Variants in FARP2 observed in about 807,000 individuals in gnomAD.
FARP2 encodes the protein FERM, ARHGEF and pleckstrin domain-containing protein 2.
In FARP2, 111 loss-of-function variants were observed where a neutral mutation model predicts 130.5. The ratio of observed to expected loss-of-function variants is 0.85; its 90% CI spans 0.73 to 1.00. The LOEUF is 1.00. Ranked by LOEUF, FARP2 falls within the 50% of genes least tolerant of loss-of-function variation. The probability of loss-of-function intolerance (pLI) is 0.00; values close to 1 mark genes in which losing one functional copy is unlikely to be tolerated. For synonymous variants in FARP2, 504 were observed against 516.9 expected (o/e 0.98, Z 0.34); for missense variants, 1,385 against 1,346.3 (o/e 1.03, Z -0.45).
At position 241,468,130 on chromosome 2, in the gene FARP2, G is replaced by A. The variant is rs376190599; in HGVS notation, c.1894-10G>A. ...CCTCACCTAAAGGCCCCACTCTTGC[G>A]CCTCCACAGGAGTTTACCAGCTACT... is the stretch of plus-strand genomic sequence containing the variant. On this transcript the variant is annotated splice_polypyrimidine_tract_variant and intron_variant, in intron 17 of 26. Coordinates refer to ENST00000264042, the MANE Select transcript of FARP2 (RefSeq NM_014808.4). 2.5e-5 allele frequency: 40 copies of A among 1,580,240 alleles called. No individual in the cohort carries two copies. The highest frequency in any genetic ancestry group is 1.0e-4 in the Admixed American group (6 of 59,960).
At chr2:241,453,350 C>A (rs576856385) in intron 13 of FARP2, among the ~76,000 whole-genome samples, 30 of 151,000 alleles carry the variant, frequency 2.0e-4, no homozygotes, top group African/African-American at 7.1e-4. Context: ...TGGCTGGGCG[C>A]GGTGGCTCAT....
At chr2:241,415,101 A>T (rs1218881050) in intron 7 of FARP2, among the ~76,000 whole-genome samples, 1 of 152,190 alleles carries the variant, frequency 6.6e-6, no homozygotes, top group Non-Finnish European at 1.5e-5. Context: ...GCAGAGCTCC[A>T]TCTCGGACAT....
At chr2:241,379,368 G>A (rs3821279) in intron 2 of FARP2, among the ~76,000 whole-genome samples, 3,990 of 152,334 alleles carry the variant, frequency 0.026, 404 homozygotes, top group Admixed American at 0.18. Flanking sequence ...AATGTCCTTT[G>A]CCTTTGCTGA....
chr2:241,397,869 G>A (rs1227478515), intron 2 of FARP2, among the ~76,000 whole-genome samples: 2 of 129,290 alleles, frequency 1.5e-5, no homozygotes, highest in Non-Finnish European at 3.1e-5. Context: ...TCGCTCTGTC[G>A]CCCAGGCTGG....
intron 12 of FARP2, among the ~76,000 whole-genome samples, chr2:241,437,047 A>G (rs915354705): frequency 9.2e-5 from 14 of 152,220 alleles, no homozygotes; most frequent in African/African-American, 3.4e-4. Flanking sequence ...GTAATACACC[A>G]CAAAATCCTG....
chr2:241,424,205 A>G (rs1314924765), intron 8 of FARP2, among the ~76,000 whole-genome samples: 1 of 152,190 alleles, frequency 6.6e-6, no homozygotes, highest in Non-Finnish European at 1.5e-5. Context: ...TGATCACATA[A>G]TCGGAAGCAA....
At chr2:241,413,940 CAAAA>C (rs746206247) in intron 7 of FARP2, among the ~76,000 whole-genome samples, 1 of 88,568 alleles carries the variant, frequency 1.1e-5, no homozygotes, top group African/African-American at 4.3e-5. Context: ...AACTCCGTCT[CAAAA>C]AAAAAAAAAA....
At chr2:241,395,702 G>C (rs886407809) in intron 2 of FARP2, 1 of 152,168 alleles carries the variant, frequency 6.6e-6, no homozygotes, top group Non-Finnish European at 1.5e-5. Flanking sequence ...GTTTCTTCCA[G>C]TTATGAAGTG....
chr2:241,464,212 TC>T (rs374446843), intron 17 of FARP2, among the ~76,000 whole-genome samples: 6 of 140,900 alleles, frequency 4.3e-5, no homozygotes, highest in African/African-American at 8.2e-5. Flanking sequence ...CAGAATAGGA[TC>T]CCCCCCAGAC....
chr2:241,435,850 AT>A (rs1038680191), intron 11 of FARP2, among the ~76,000 whole-genome samples: 6 of 144,044 alleles, frequency 4.2e-5, no homozygotes, highest in African/African-American at 1.5e-4. Flanking sequence ...ACATAGAGAT[AT>A]TTTTAGTTTC....
At chr2:241,466,440 C>T in intron 17 of FARP2, 1 of 985,464 alleles carries the variant, frequency 1.0e-6, no homozygotes, top group Non-Finnish European at 1.2e-6. Context: ...CACCACTCAC[C>T]ACTGCCAGGC....
chr2:241,446,912 C>G (rs529780020), intron 13 of FARP2: 1 of 152,138 alleles, frequency 6.6e-6, no homozygotes, highest in Non-Finnish European at 1.5e-5. Flanking sequence ...AAGGAAGCGC[C>G]ATCTTTAGCA....
chr2:241,436,304 T>G (rs1332479010), intron 11 of FARP2, among the ~76,000 whole-genome samples, 177 bp from the exon 12 acceptor site: 1 of 152,208 alleles, frequency 6.6e-6, no homozygotes, highest in East Asian at 1.9e-4. Flanking sequence ...TCTTGGGACC[T>G]CTGTTTTTTA....
rs1328288730 is a variant in FARP2, at chr2:241,453,784, T to G, written c.1412-2963T>G. On this transcript the variant is annotated intron_variant, in intron 13 of 26. Coordinates refer to ENST00000264042, the MANE Select transcript of FARP2 (RefSeq NM_014808.4). The stretch of plus-strand genomic sequence containing the variant: ...GCACTTACTGGTTTTTTTTTTTTTT[T>G]TTTTTTTTTTTTTTTTTGAGATGGG... Among the ~76,000 whole-genome samples the G allele has an allele frequency of 2.8e-4, 33 of 118,456 alleles. 1 individual carries two copies. The highest frequency in any genetic ancestry group is 8.5e-4 in the Admixed American group (10 of 11,742). 77.7% of individuals were successfully genotyped at this position (118,456 alleles called of 152,430 possible).
intron 23 of FARP2, 97 bp downstream of exon 23, chr2:241,491,276 T>G (rs2064896600): frequency 1.1e-6 from 1 of 930,426 alleles, no homozygotes; most frequent in African/African-American, 1.6e-5. Context: ...CCCGCTAAGT[T>G]CCCACACAAT....
At chr2:241,483,979 C>T in intron 20 of FARP2, 2 of 1,317,564 alleles carry the variant, frequency 1.5e-6, no homozygotes, top group Non-Finnish European at 1.9e-6. Flanking sequence ...TGAGTCAGCA[C>T]CAGCCAGAAT....
chr2:241,455,740 T>TC (rs2063816747), intron 13 of FARP2, among the ~76,000 whole-genome samples: 1 of 132,172 alleles, frequency 7.6e-6, no homozygotes, highest in Non-Finnish European at 1.6e-5. Flanking sequence ...GTTTTCTTTT[T>TC]TTTTTTTTTT....
rs778389088 is a variant in FARP2, at chr2:241,468,123, C to T, written c.1894-17C>T. On this transcript the variant is annotated splice_polypyrimidine_tract_variant and intron_variant, in intron 17 of 26. Transcript: ENST00000264042. ...TACATCTCCTCACCTAAAGGCCCCACTCTTGCGCCTCCACAGGAGTTTACC... is the reference window on the plus strand; with the variant it reads ...TACATCTCCTCACCTAAAGGCCCCATTCTTGCGCCTCCACAGGAGTTTACC... 1.9e-6 allele frequency: 3 copies of T among 1,549,212 alleles called. No homozygotes were observed. The highest frequency in any genetic ancestry group is 2.7e-6 in the Non-Finnish European group (3 of 1,120,862).
intron 8 of FARP2, among the ~76,000 whole-genome samples, chr2:241,421,841 G>A (rs1445026663): frequency 6.6e-6 from 1 of 152,150 alleles, no homozygotes; most frequent in Non-Finnish European, 1.5e-5. Context: ...CCAGCAAACT[G>A]CAGCAGCCCT....
Sources: gnomAD v4.1 joint callset for allele counts (sites outside exome capture counted in the v4.1 genomes callset) on GRCh38, gnomAD v4.1.1 for gene constraint, MANE v1.5 for transcripts, NCBI Gene and HGNC (gene_info 2026-07-23, HGNC 2026-07-21) for gene names.